Variants in SLC25A14 observed in about 807,000 individuals in gnomAD.
SLC25A14 encodes solute carrier family 25 member 14, also known as brain mitochondrial carrier protein 1.
SLC25A14 carries 8 observed loss-of-function variants against 28.1 expected under a neutral mutation model. The ratio of observed to expected loss-of-function variants is 0.28; its 90% CI spans 0.17 to 0.51. The LOEUF (loss-of-function observed/expected upper bound fraction) is 0.51. Ranked by LOEUF, SLC25A14 falls within the 20% of genes least tolerant of loss-of-function variation. The probability of loss-of-function intolerance (pLI) is 0.97; values close to 1 mark genes in which losing one functional copy is unlikely to be tolerated. For synonymous variants in SLC25A14, 74 were observed against 90.6 expected, an observed-to-expected ratio of 0.82 and a Z score of 1.04; for missense variants, 135 against 263.8, an observed-to-expected ratio of 0.51 and a Z score of 3.38.
Position 130,345,260 on chromosome X carries a change from A to G in SLC25A14, c.154A>G (p.Ile52Val). Residue 52 changes from isoleucine (I) to valine (V), a missense_variant, in exon 3 of 11, where the codon ATC becomes GTC. Physicochemically the swap from Ile to Val is conservative, Grantham distance 29 (BLOSUM62 3). Transcript: ENST00000545805. Reference protein sequence around the residue: ...KPFVYGGLASIVAEFGTFPVD... With the variant: ...KPFVYGGLASVVAEFGTFPVD... ...CTTTGTATATGGCGGCCTTGCCTCT[A>G]TCGTGGCTGAGTTTGGTAAGAATGT... 5.9e-6 allele frequency: 7 copies of G among 1,178,347 alleles called. No individual in the cohort carries two copies. The highest frequency in any genetic ancestry group is 8.1e-6 in the Non-Finnish European group (7 of 865,133).
chrX:130,346,496 A>C, intron 3 of SLC25A14, 48 bp from the exon 4 acceptor site: 1 of 1,098,179 alleles, frequency 9.1e-7, no homozygotes, highest in Non-Finnish European at 1.2e-6. Flanking sequence ...GCAACAACTT[A>C]ACTGTGATTC....
Position 130,358,042 on chromosome X carries a change from A to T in SLC25A14, c.499-598A>T, listed in dbSNP as rs1020599888. Among the ~76,000 whole-genome samples the T allele has an allele frequency of 4.6e-4, 52 of 112,228 alleles. 1 individual carries two copies. The highest frequency in any genetic ancestry group is 1.6e-3 in the African/African-American group (49 of 30,906). On this transcript the variant is annotated intron_variant, in intron 6 of 10. Coordinates refer to ENST00000545805, the MANE Select transcript of SLC25A14 (RefSeq NM_001282195.2). ...GCTTACTTGTAGCCTCACCACTCAG[A>T]CATAAACCACTGTAAGTATTTAGTT...
At chrX:130,362,639 T>C (rs6529423) in intron 7 of SLC25A14, among the ~76,000 whole-genome samples, 39,609 of 111,191 alleles carry the variant, frequency 0.36, 5,459 homozygotes, top group Non-Finnish European at 0.44. Flanking sequence ...CCCCTGAAGA[T>C]AGAATAATAC....
At chrX:130,361,804 T>C (rs1371881237) in intron 7 of SLC25A14, among the ~76,000 whole-genome samples, 1 of 111,981 alleles carries the variant, frequency 8.9e-6, no homozygotes. Flanking sequence ...TCAAATTTTC[T>C]GGCCTTTCAA....
intron 7 of SLC25A14, among the ~76,000 whole-genome samples, chrX:130,363,784 A>C (rs1484893020): frequency 1.8e-5 from 2 of 111,340 alleles, no homozygotes; most frequent in Non-Finnish European, 3.8e-5. Flanking sequence ...CCCAAGCTGG[A>C]ATGCAGTGGT....
chrX:130,358,898 A>C, intron 7 of SLC25A14, 163 bp downstream of exon 7: 1 of 684,337 alleles, frequency 1.5e-6, no homozygotes, highest in Non-Finnish European at 2.2e-6. Flanking sequence ...TTGGCCTTTT[A>C]TTTCTGCATA....
At chrX:130,371,016 C>T in intron 9 of SLC25A14, among the ~76,000 whole-genome samples, 1 of 112,018 alleles carries the variant, frequency 8.9e-6, no homozygotes, top group Middle Eastern at 4.6e-3. Flanking sequence ...GCTGGGATAG[C>T]TGCTTCAGTG....
chrX:130,351,212 A>T (rs576532268), intron 6 of SLC25A14, among the ~76,000 whole-genome samples: 2 of 111,918 alleles, frequency 1.8e-5, no homozygotes, highest in African/African-American at 6.5e-5. Context: ...TTGGTATGGT[A>T]TGTTGACCTG....
intron 6 of SLC25A14, among the ~76,000 whole-genome samples, chrX:130,351,257 C>T (rs1303026896): frequency 8.9e-6 from 1 of 111,744 alleles, no homozygotes; most frequent in African/African-American, 3.2e-5. Context: ...GAGGGGTAAA[C>T]TGAAATACAG....
chrX:130,354,510 T>C lies in SLC25A14; in HGVS notation c.498+3779T>C, dbSNP rs192669725. Among the ~76,000 whole-genome samples the C allele has an allele frequency of 9.6e-3, 1,082 of 112,249 alleles. 13 individuals carry two copies. The highest frequency in any genetic ancestry group is 0.017 in the Non-Finnish European group (886 of 53,218). ...AACTCAAAAATAAAAGGTCTCCATA[T>C]ACAAGTATTTATCTCTCTCATGTAA... On this transcript the variant is annotated intron_variant, in intron 6 of 10. Transcript: ENST00000545805.
intron 2 of SLC25A14, among the ~76,000 whole-genome samples, chrX:130,342,538 G>C (rs965601656): frequency 1.8e-5 from 2 of 111,958 alleles, no homozygotes; most frequent in Non-Finnish European, 3.8e-5. Flanking sequence ...CAAAGACTGG[G>C]TACAAATTAG....
chrX:130,355,016 A>G (rs892022965), intron 6 of SLC25A14, among the ~76,000 whole-genome samples: 2 of 112,564 alleles, frequency 1.8e-5, no homozygotes, highest in Non-Finnish European at 3.7e-5. Context: ...AATAAGAGAA[A>G]GTACGGGTCT....
intron 7 of SLC25A14, among the ~76,000 whole-genome samples, chrX:130,360,578 C>T (rs1294338990): frequency 8.9e-6 from 1 of 111,951 alleles, no homozygotes; most frequent in Non-Finnish European, 1.9e-5. Context: ...TTTCATCTAA[C>T]TAATGGTCTT....
At chrX:130,371,462 C>A in intron 9 of SLC25A14, 102 bp from the exon 10 acceptor site, 2 of 534,281 alleles carry the variant, frequency 3.7e-6, no homozygotes, top group Admixed American at 2.7e-5. Context: ...AGAGAAAAGA[C>A]TATTCATGGA....
intron 2 of SLC25A14, among the ~76,000 whole-genome samples, chrX:130,341,476 T>C (rs1480034194): frequency 8.9e-6 from 1 of 112,088 alleles, no homozygotes; most frequent in Non-Finnish European, 1.9e-5. Flanking sequence ...TCAATAAATA[T>C]CTGCTTGGCT....
rs2034308117 is a variant in SLC25A14, at chrX:130,373,301, G to C, written c.*351G>C. Reference sequence around the variant, plus strand: ...TAGAGCAGAAGGCATAGGCCAGGGTGGTTATTGCTATATGTGTTACAGACC... The same window carrying C: ...TAGAGCAGAAGGCATAGGCCAGGGTCGTTATTGCTATATGTGTTACAGACC... On this transcript the variant is annotated 3_prime_UTR_variant, in exon 11 of 11. Transcript: ENST00000545805. 1 of 183,097 alleles carries C rather than the reference G, an allele frequency of 5.5e-6. No individual in the cohort carries two copies. Among genetic ancestry groups the C allele is most frequent in the Admixed American group, 8.1e-5 (1 of 12,329 alleles). The allele number at this position is 183,097 out of a possible 1,213,427, so 15.1% of individuals were successfully genotyped here.
At chrX:130,345,118 A>G in intron 2 of SLC25A14, 64 bp from the exon 3 acceptor site, 1 of 762,624 alleles carries the variant, frequency 1.3e-6, no homozygotes, top group Non-Finnish European at 2.0e-6. Flanking sequence ...TCTAAATTAT[A>G]TGATCAGATG....
Position 130,340,837 on chromosome X carries a change from T to A in SLC25A14, c.75+484T>A, listed in dbSNP as rs760263583. ...GGTGGATTTCCTCAAGTCACTTCGT[T>A]GTTAAACACACACACACAAAACATG... On this transcript the variant is annotated intron_variant, in intron 2 of 10. Transcript: ENST00000545805. Among the ~76,000 whole-genome samples, 5 of 111,483 alleles carry A rather than the reference T, an allele frequency of 4.5e-5. No homozygotes were observed. The South Asian group carries it at 1.9e-3, about 42-fold the overall frequency.
chrX:130,350,629 T>TCTTTTC lies in SLC25A14; in HGVS notation c.413-10_413-5dup. The stretch of plus-strand genomic sequence containing the variant: ...CCTAATACAAGCAGACCTTTCTTTT[T>TCTTTTC]CTTTTCCTTTTCACAGATGAAACTC... On this transcript the variant is annotated splice_polypyrimidine_tract_variant and intron_variant, in intron 5 of 10. Transcript: ENST00000545805. The TCTTTTC allele has an allele frequency of 1.9e-6, 2 of 1,079,634 alleles. No individual in the cohort carries two copies. The highest frequency in any genetic ancestry group is 4.1e-5 in the South Asian group (2 of 48,548). 89.0% of individuals were successfully genotyped at this position (1,079,634 alleles called of 1,213,427 possible).
Sources: gnomAD v4.1 joint callset for allele counts (sites outside exome capture counted in the v4.1 genomes callset) on GRCh38, gnomAD v4.1.1 for gene constraint, MANE v1.5 for transcripts, NCBI Gene and HGNC (gene_info 2026-07-23, HGNC 2026-07-21) for gene names.